The following EFNA5 variants were observed in gnomAD, a reference collection of about 807,000 sequenced individuals.
The protein encoded by EFNA5 is ephrin A5.
In EFNA5, 5 loss-of-function variants were observed where a neutral mutation model predicts 22.9. That is an observed-to-expected ratio of 0.22 (90% CI 0.11 to 0.46). The LOEUF (loss-of-function observed/expected upper bound fraction) is 0.46, where lower values mean the gene tolerates loss of function less well. EFNA5 is among the 20% of genes least tolerant of loss of function. The pLI, the probability that EFNA5 is intolerant of heterozygous loss-of-function variation, is 0.99. For synonymous variants in EFNA5, 113 were observed against 112.2 expected (o/e 1.01, Z -0.04); for missense variants, 237 against 293.3 (o/e 0.81, Z 1.40).
At chr5:107,590,451 A>G (rs2112501982) in intron 1 of EFNA5, among the ~76,000 whole-genome samples, 1 of 152,004 alleles carries the variant, frequency 6.6e-6, no homozygotes, top group African/African-American at 2.4e-5. Flanking sequence ...GTGCCGTGGA[A>G]TGGTCACAGC....
At chr5:107,397,890 A>G (rs1747972220) in intron 2 of EFNA5, among the ~76,000 whole-genome samples, 1 of 152,162 alleles carries the variant, frequency 6.6e-6, no homozygotes, top group South Asian at 2.1e-4. Flanking sequence ...AATCTCAGGG[A>G]CTAAATTCTA....
intron 3 of EFNA5, 85 bp downstream of exon 3, chr5:107,387,621 A>G (rs1311588606): frequency 1.1e-6 from 1 of 947,112 alleles, no homozygotes; most frequent in South Asian, 1.6e-5. Context: ...TAACAGTAAA[A>G]AAAAGTTTTA....
intron 1 of EFNA5, among the ~76,000 whole-genome samples, chr5:107,521,497 G>T (rs1193787371): frequency 7.1e-6 from 1 of 141,412 alleles, no homozygotes; most frequent in East Asian, 2.0e-4. Context: ...TTTTTGGAGA[G>T]ACAGGGTTTC....
At chr5:107,611,941 A>T (rs1314216577) in intron 1 of EFNA5, among the ~76,000 whole-genome samples, 1 of 152,218 alleles carries the variant, frequency 6.6e-6, no homozygotes, top group African/African-American at 2.4e-5. Flanking sequence ...TCATTTATGG[A>T]AACTAAATGG....
chr5:107,437,692 G>A (rs1029352357), intron 1 of EFNA5, among the ~76,000 whole-genome samples: 1 of 150,092 alleles, frequency 6.7e-6, no homozygotes, highest in African/African-American at 2.5e-5. Context: ...ATAGATGTTC[G>A]ATGAAGAGGA....
chr5:107,609,558 C>A (rs1580558491), intron 1 of EFNA5, among the ~76,000 whole-genome samples: 1 of 152,104 alleles, frequency 6.6e-6, no homozygotes, highest in Non-Finnish European at 1.5e-5. Flanking sequence ...CTGATCCATG[C>A]AAAAACAGGG....
intron 1 of EFNA5, among the ~76,000 whole-genome samples, chr5:107,551,345 A>G (rs1306508180): frequency 6.6e-6 from 1 of 152,200 alleles, no homozygotes. Context: ...GATCTCTGCC[A>G]CAGACAATCT....
intron 2 of EFNA5, among the ~76,000 whole-genome samples, chr5:107,422,816 C>CT (rs1748707624): frequency 6.6e-6 from 1 of 152,164 alleles, no homozygotes; most frequent in Non-Finnish European, 1.5e-5. Context: ...AGGCACTGCT[C>CT]TGTCAGTGCC....
chr5:107,387,219 C>G lies in EFNA5; in HGVS notation c.565+16G>C. On this transcript the variant is annotated intron_variant, in intron 4 of 4. Coordinates refer to ENST00000333274, the MANE Select transcript of EFNA5 (RefSeq NM_001962.3). ...ATAGATGCATTTGTTAAAAGAGATT[C>G]TCTAAGCATACTAACCTGCTGGTTC... 6.4e-7 allele frequency: 1 copy of G among 1,571,392 alleles called. No homozygotes were observed. The highest frequency in any genetic ancestry group is 8.7e-7 in the Non-Finnish European group (1 of 1,150,286).
At chr5:107,631,256 A>ACACACAC (rs1750243340) in intron 1 of EFNA5, among the ~76,000 whole-genome samples, 1 of 145,666 alleles carries the variant, frequency 6.9e-6, no homozygotes, top group African/African-American at 2.6e-5. Context: ...CCTGACTACA[A>ACACACAC]ACACACACAC....
At chr5:107,649,903 G>A (rs1457213099) in intron 1 of EFNA5, among the ~76,000 whole-genome samples, 1 of 152,142 alleles carries the variant, frequency 6.6e-6, no homozygotes, top group Non-Finnish European at 1.5e-5. Context: ...GAATGATTAA[G>A]TAACTTGTCT....
At chr5:107,465,323 C>T (rs916574590) in intron 1 of EFNA5, among the ~76,000 whole-genome samples, 1 of 152,122 alleles carries the variant, frequency 6.6e-6, no homozygotes, top group Non-Finnish European at 1.5e-5. Context: ...AACATGACAA[C>T]CCAAAGTCAT....
intron 1 of EFNA5, among the ~76,000 whole-genome samples, chr5:107,563,441 A>G (rs1748590426): frequency 6.6e-6 from 1 of 151,756 alleles, no homozygotes; most frequent in South Asian, 2.1e-4. Flanking sequence ...TATTATTATT[A>G]TTGTCATTAT....
In EFNA5 at chr5:107,670,794, G is replaced by C; in HGVS notation, c.-181C>G. On this transcript the variant is annotated 5_prime_UTR_variant, in exon 1 of 5. Transcript: ENST00000333274. ...CACCAAGCTGGGGAGGGGTAGGAGA[G>C]CGAGAAGAAAAGAAGGCGGTGGGAT... 18 of 772,448 alleles carry C rather than the reference G, an allele frequency of 2.3e-5. No individual in the cohort carries two copies. The highest frequency in any genetic ancestry group is 5.5e-5 in the East Asian group (2 of 36,110). 47.8% of individuals were successfully genotyped at this position (772,448 alleles called of 1,614,324 possible). A position where few individuals can be genotyped will look rare whatever the true frequency, so the allele number is the denominator to read the frequency against.
chr5:107,596,694 A>C (rs776600409), intron 1 of EFNA5, among the ~76,000 whole-genome samples: 7 of 152,180 alleles, frequency 4.6e-5, no homozygotes, highest in African/African-American at 7.2e-5. Context: ...TATAAAATTG[A>C]AATGTCTCTC....
At chr5:107,534,087 G>A (rs1414218388) in intron 1 of EFNA5, among the ~76,000 whole-genome samples, 4 of 152,176 alleles carry the variant, frequency 2.6e-5, no homozygotes, top group Non-Finnish European at 5.9e-5. Context: ...TTTAATTGCT[G>A]GATGACACTG....
intron 2 of EFNA5, among the ~76,000 whole-genome samples, chr5:107,422,927 C>T (rs937894851): frequency 3.3e-5 from 5 of 152,158 alleles, no homozygotes; most frequent in African/African-American, 9.7e-5. Flanking sequence ...AACCCTAACA[C>T]GCCTCTCCAT....
At position 107,569,443 on chromosome 5, in the gene EFNA5, A is replaced by ATG. The variant is rs1166136979; in HGVS notation, c.125+101045_125+101046insCA. 3.9e-3 allele frequency among the ~76,000 whole-genome samples: 500 copies of ATG among 129,778 alleles called. 2 individuals are homozygous for ATG. The highest frequency in any genetic ancestry group is 0.014 in the African/African-American group (378 of 27,238). The allele number at this position is 129,778 out of a possible 152,430, so 85.1% of individuals were successfully genotyped here. A position where few individuals can be genotyped will look rare whatever the true frequency, so the allele number is the denominator to read the frequency against. On this transcript the variant is annotated intron_variant, in intron 1 of 4. Transcript: ENST00000333274. ...TGTATATGTGTGTATATATATATTT[A>ATG]TATATGTGTGTGTATATATATTTAT...
At chr5:107,426,531 G>A (rs1320403170) in intron 2 of EFNA5, among the ~76,000 whole-genome samples, 1 of 152,228 alleles carries the variant, frequency 6.6e-6, no homozygotes, top group Non-Finnish European at 1.5e-5. Flanking sequence ...ATGAAGAAGT[G>A]ATGGGTATAT....
Sources: allele counts gnomAD v4.1 joint callset (sites outside exome capture counted in the v4.1 genomes callset), GRCh38; gene constraint gnomAD v4.1.1; transcripts MANE v1.5; gene names NCBI Gene and HGNC (gene_info 2026-07-23, HGNC 2026-07-21).